NKAIN2: variants seen among roughly 807,000 people sequenced by gnomAD.
NKAIN2 encodes sodium/potassium transporting ATPase interacting 2.
A neutral mutation model predicts 32.6 loss-of-function variants in NKAIN2; 14 were observed. That is an observed-to-expected ratio of 0.43 (90% CI 0.28 to 0.67). NKAIN2 has a LOEUF of 0.67. Among genes scored for constraint, NKAIN2 ranks in the 30% least tolerant of loss-of-function variants. The pLI is 0.17. For synonymous variants in NKAIN2, 80 were observed against 87.2 expected (o/e 0.92, Z 0.46); for missense variants, 198 against 258.3 (o/e 0.77, Z 1.60).
At chr6:124,343,553 G>T (rs917692396) in intron 2 of NKAIN2, among the ~76,000 whole-genome samples, 3 of 152,028 alleles carry the variant, frequency 2.0e-5, no homozygotes, top group Admixed American at 2.0e-4. Context: ...TCTCATTGTG[G>T]TTTTGATTTG....
At chr6:124,803,794 G>A (rs1780382319) in intron 5 of NKAIN2, among the ~76,000 whole-genome samples, 1 of 152,148 alleles carries the variant, frequency 6.6e-6, no homozygotes, top group African/African-American at 2.4e-5. Context: ...CCTAGCCTTG[G>A]AAATGCTAAT....
At chr6:124,334,347 C>T (rs578183718) in intron 2 of NKAIN2, among the ~76,000 whole-genome samples, 4 of 152,166 alleles carry the variant, frequency 2.6e-5, no homozygotes, top group African/African-American at 9.7e-5. Context: ...TCGATTTATC[C>T]GGACAGGAGA....
chr6:124,059,165 G>GT (rs1453107336), intron 1 of NKAIN2, among the ~76,000 whole-genome samples: 3 of 152,086 alleles, frequency 2.0e-5, no homozygotes, highest in Non-Finnish European at 4.4e-5. Context: ...TTGTTAAAGT[G>GT]TAAGTCTTAC....
intron 3 of NKAIN2, among the ~76,000 whole-genome samples, chr6:124,637,684 T>C (rs1438686264): frequency 2.0e-5 from 3 of 151,792 alleles, no homozygotes; most frequent in Non-Finnish European, 4.4e-5. Flanking sequence ...CAAAAATAAA[T>C]ACCTAGAAAT....
chr6:124,431,567 T>C (rs1008003089), intron 3 of NKAIN2, among the ~76,000 whole-genome samples: 1 of 152,144 alleles, frequency 6.6e-6, no homozygotes, highest in Non-Finnish European at 1.5e-5. Context: ...TATCTGTGCT[T>C]TATACATATA....
intron 1 of NKAIN2, among the ~76,000 whole-genome samples, chr6:124,028,889 A>C (rs62435610): frequency 3.0e-4 from 10 of 33,860 alleles, no homozygotes; most frequent in Non-Finnish European, 5.1e-4. Context: ...ATATATGTGT[A>C]TATATATATA....
At chr6:123,988,059 G>A (rs768062952) in intron 1 of NKAIN2, among the ~76,000 whole-genome samples, 12 of 152,048 alleles carry the variant, frequency 7.9e-5, no homozygotes, top group Middle Eastern at 3.2e-3. Flanking sequence ...ACTGCCTCAC[G>A]TTTTATATGC....
chr6:124,237,796 T>TA (rs1440271077), intron 1 of NKAIN2, among the ~76,000 whole-genome samples: 4 of 152,132 alleles, frequency 2.6e-5, no homozygotes. Context: ...AGAAGAGGAT[T>TA]CTTAGATAAC....
chr6:124,645,185 C>T (rs1272172667), intron 3 of NKAIN2, among the ~76,000 whole-genome samples: 1 of 152,074 alleles, frequency 6.6e-6, no homozygotes. Context: ...AACCCAAAAA[C>T]TTATGAACAT....
intron 4 of NKAIN2, among the ~76,000 whole-genome samples, chr6:124,743,671 C>G (rs1384626291): frequency 6.6e-6 from 1 of 151,860 alleles, no homozygotes; most frequent in Non-Finnish European, 1.5e-5. Flanking sequence ...CTGTTTCTCT[C>G]CTATAAATTC....
chr6:124,008,012 AT>A (rs2114727755), intron 1 of NKAIN2, among the ~76,000 whole-genome samples: 1 of 152,266 alleles, frequency 6.6e-6, no homozygotes, highest in South Asian at 2.1e-4. Context: ...CAAAGAGACA[AT>A]GGCATGGGAC....
chr6:123,857,044 T>A (rs1179085097), intron 1 of NKAIN2, among the ~76,000 whole-genome samples: 2 of 152,206 alleles, frequency 1.3e-5, no homozygotes, highest in African/African-American at 4.8e-5. Flanking sequence ...ATAGTTGAAG[T>A]ATAATACTCT....
At chr6:123,971,734 A>G (rs1327722569) in intron 1 of NKAIN2, among the ~76,000 whole-genome samples, 1 of 152,194 alleles carries the variant, frequency 6.6e-6, no homozygotes, top group African/African-American at 2.4e-5. Flanking sequence ...GCTCTTAGTT[A>G]GTGAAATCTA....
intron 4 of NKAIN2, among the ~76,000 whole-genome samples, chr6:124,747,857 A>C (rs2114703649): frequency 6.6e-6 from 1 of 152,030 alleles, no homozygotes; most frequent in African/African-American, 2.4e-5. Flanking sequence ...CAAAAATTGA[A>C]ATAGGATACT....
At chr6:124,767,422 C>T (rs780981316) in intron 4 of NKAIN2, among the ~76,000 whole-genome samples, 11 of 152,094 alleles carry the variant, frequency 7.2e-5, no homozygotes, top group Non-Finnish European at 1.6e-4. Context: ...TGGTTTGCCT[C>T]CTAATCCTGA....
intron 1 of NKAIN2, among the ~76,000 whole-genome samples, chr6:123,835,417 A>C (rs1774575604): frequency 6.6e-6 from 1 of 152,208 alleles, no homozygotes; most frequent in South Asian, 2.1e-4. Flanking sequence ...ATCTATTTAC[A>C]ATCTATCTGC....
At chr6:123,849,877 T>C (rs2114954082) in intron 1 of NKAIN2, among the ~76,000 whole-genome samples, 1 of 151,986 alleles carries the variant, frequency 6.6e-6, no homozygotes, top group East Asian at 1.9e-4. Flanking sequence ...GATGAGTCAG[T>C]GTTTATTATT....
chr6:124,709,133 G>C (rs1190455842), intron 4 of NKAIN2, among the ~76,000 whole-genome samples: 1 of 136,936 alleles, frequency 7.3e-6, no homozygotes, highest in African/African-American at 2.8e-5. Flanking sequence ...TTATATGCTG[G>C]ATTACATTTA....
At chr6:124,163,114 T>C (rs1432974175) in intron 1 of NKAIN2, among the ~76,000 whole-genome samples, 1 of 152,082 alleles carries the variant, frequency 6.6e-6, no homozygotes, top group Non-Finnish European at 1.5e-5. Context: ...AATGTTTCAG[T>C]ATCACATAGT....
Sources: gnomAD v4.1 joint callset for allele counts (sites outside exome capture counted in the v4.1 genomes callset) on GRCh38, gnomAD v4.1.1 for gene constraint, MANE v1.5 for transcripts, NCBI Gene and HGNC (gene_info 2026-07-23, HGNC 2026-07-21) for gene names.